CPNE8: variants seen among roughly 807,000 people sequenced by gnomAD.
The protein encoded by CPNE8 is copine 8, also known as copine-8.
A neutral mutation model predicts 81.5 loss-of-function variants in CPNE8; 45 were observed. The observed-to-expected ratio is 0.55, with a 90% CI of 0.44 to 0.71. The LOEUF (loss-of-function observed/expected upper bound fraction) is 0.71. Ranked by LOEUF, CPNE8 falls within the 30% of genes least tolerant of loss-of-function variation. The pLI is 0.00. For missense variants in CPNE8, 594 were observed against 672.1 expected (o/e 0.88, Z 1.28); for synonymous variants, 252 against 226.3 (o/e 1.11, Z -1.02).
chr12:38,902,401 A>AAG (rs1944501316), intron 1 of CPNE8, among the ~76,000 whole-genome samples: 1 of 140,862 alleles, frequency 7.1e-6, no homozygotes, highest in East Asian at 2.0e-4. Flanking sequence ...AAGAGAAAGA[A>AAG]AGAAAGAAAG....
At chr12:38,785,807 C>G (rs1340167873) in intron 6 of CPNE8, among the ~76,000 whole-genome samples, 1 of 151,956 alleles carries the variant, frequency 6.6e-6, no homozygotes, top group African/African-American at 2.4e-5. Context: ...TTGCTTACTT[C>G]CTTGTTTATG....
At chr12:38,679,765 T>C (rs985228782) in intron 16 of CPNE8, 3 of 851,858 alleles carry the variant, frequency 3.5e-6, no homozygotes, top group African/African-American at 3.7e-5. Context: ...CTACTTAGCC[T>C]TTTATTTTAA....
chr12:38,657,092 T>A lies in CPNE8; in HGVS notation c.1507-3022A>T, dbSNP rs548327174. Among the ~76,000 whole-genome samples the A allele has an allele frequency of 2.3e-3, 346 of 152,254 alleles. 1 individual carries two copies. The highest frequency in any genetic ancestry group is 4.2e-3 in the Non-Finnish European group (283 of 68,002). Reference sequence around the variant, plus strand: ...GCGGGGTGTCACTTCACCTGGGAAGTGCAAGGGGTTGGGGGATTTCCCTTT... The same window carrying A: ...GCGGGGTGTCACTTCACCTGGGAAGAGCAAGGGGTTGGGGGATTTCCCTTT... On this transcript the variant is annotated intron_variant, in intron 19 of 19. Transcript: ENST00000331366.
chr12:38,839,917 T>C lies in CPNE8; in HGVS notation c.329A>G (p.His110Arg). Residue 110 changes from histidine to arginine, a missense_variant and splice_region_variant, in exon 5 of 20, where the codon CAT (histidine) becomes CGT (arginine). His to Arg is a conservative substitution (Grantham distance 29, BLOSUM62 0). Coordinates refer to ENST00000331366, the MANE Select transcript of CPNE8 (RefSeq NM_153634.3). ...VDSKSPNLSK[H>R]DFLGQVFCTL... is the part of the protein sequence containing the mutation. ...AAAAACATAAAAATATGAACTTACA[T>C]GTTTGGATAAGTTGGGGCTCTTTGA... 1 of 1,576,944 alleles carries C rather than the reference T, an allele frequency of 6.3e-7. No homozygotes were observed. Among genetic ancestry groups the C allele is most frequent in the Non-Finnish European group, 8.7e-7 (1 of 1,154,548 alleles).
chr12:38,862,207 T>A (rs890977336), intron 3 of CPNE8, among the ~76,000 whole-genome samples: 1 of 151,954 alleles, frequency 6.6e-6, no homozygotes, highest in African/African-American at 2.4e-5. Flanking sequence ...GTCAACAAGA[T>A]CCTGACTGTG....
intron 1 of CPNE8, among the ~76,000 whole-genome samples, chr12:38,879,141 C>A (rs747470471): frequency 5.5e-4 from 83 of 152,196 alleles, no homozygotes; most frequent in Middle Eastern, 3.4e-3. Context: ...GGGTCCCTGG[C>A]AAAACTCCAA....
intron 6 of CPNE8, among the ~76,000 whole-genome samples, chr12:38,812,576 T>C (rs932819047): frequency 3.3e-5 from 5 of 152,126 alleles, no homozygotes; most frequent in African/African-American, 1.2e-4. Flanking sequence ...TTACCTCCCA[T>C]TGGGACCCTC....
intron 6 of CPNE8, among the ~76,000 whole-genome samples, chr12:38,796,689 TG>T (rs1942484338): frequency 6.6e-6 from 1 of 152,044 alleles, no homozygotes; most frequent in Admixed American, 6.5e-5. Flanking sequence ...TGCCACACAG[TG>T]GGCGCAGGAC....
chr12:38,783,311 A>G (rs1942096605), intron 6 of CPNE8, among the ~76,000 whole-genome samples: 1 of 152,200 alleles, frequency 6.6e-6, no homozygotes, highest in South Asian at 2.1e-4. Flanking sequence ...ATAAGAACTG[A>G]AAATCAGATG....
intron 16 of CPNE8, among the ~76,000 whole-genome samples, chr12:38,678,406 T>G (rs945527924): frequency 6.6e-6 from 1 of 152,004 alleles, no homozygotes; most frequent in Non-Finnish European, 1.5e-5. Flanking sequence ...TCAATAGAGA[T>G]AATTTTTACG....
chr12:38,755,368 A>G (rs1163227414), intron 10 of CPNE8, among the ~76,000 whole-genome samples: 1 of 152,164 alleles, frequency 6.6e-6, no homozygotes, highest in Non-Finnish European at 1.5e-5. Context: ...CCCATTTACA[A>G]TCAGTCCCAC....
chr12:38,702,852 C>T, intron 14 of CPNE8, 23 bp downstream of exon 14: 2 of 1,412,312 alleles, frequency 1.4e-6, no homozygotes, highest in Non-Finnish European at 1.9e-6. Context: ...TGATTTTTAT[C>T]AGGGGATAAT....
At chr12:38,675,150 G>T (rs1462993073) in intron 18 of CPNE8, among the ~76,000 whole-genome samples, 1 of 152,150 alleles carries the variant, frequency 6.6e-6, no homozygotes. Context: ...ATTATATAAA[G>T]TCTCATTAAA....
At chr12:38,754,827 A>G (rs965153774) in intron 10 of CPNE8, among the ~76,000 whole-genome samples, 1 of 152,184 alleles carries the variant, frequency 6.6e-6, no homozygotes, top group African/African-American at 2.4e-5. Flanking sequence ...AAGAAGTGAT[A>G]CGTAAGGGAA....
intron 1 of CPNE8, among the ~76,000 whole-genome samples, chr12:38,883,720 A>G (rs960429807): frequency 6.6e-6 from 1 of 152,244 alleles, no homozygotes; most frequent in African/African-American, 2.4e-5. Flanking sequence ...ATTGTGCCAA[A>G]GTGACAAATA....
At chr12:38,673,331 T>A (rs1939220989) in intron 18 of CPNE8, among the ~76,000 whole-genome samples, 1 of 152,126 alleles carries the variant, frequency 6.6e-6, no homozygotes, top group African/African-American at 2.4e-5. Context: ...CTAATACAAT[T>A]TGCCAGTTGG....
rs576835248 is a variant in CPNE8 at position 38,750,282 on chromosome 12, G to A, written c.722+10565C>T. ...GCCTAGGAAGAAGTTTGCTGCAGGGGCGGGGCCCTCATGGAGAACCTCTGC... is the reference window on the plus strand; with the variant it reads ...GCCTAGGAAGAAGTTTGCTGCAGGGACGGGGCCCTCATGGAGAACCTCTGC... On this transcript the variant is annotated intron_variant, in intron 10 of 19. Transcript: ENST00000331366. Among the ~76,000 whole-genome samples the A allele has an allele frequency of 2.0e-5, 3 of 152,292 alleles. No homozygotes were observed. In the South Asian group the frequency reaches 6.2e-4, roughly 32 times the overall value.
At chr12:38,882,581 T>G (rs1944177668) in intron 1 of CPNE8, among the ~76,000 whole-genome samples, 1 of 152,144 alleles carries the variant, frequency 6.6e-6, no homozygotes, top group African/African-American at 2.4e-5. Context: ...GCAAGACGCC[T>G]CAGTAACAGG....
intron 1 of CPNE8, among the ~76,000 whole-genome samples, chr12:38,877,676 C>G (rs74880459): frequency 0.032 from 4,912 of 152,158 alleles, 248 homozygotes; most frequent in African/African-American, 0.11. Flanking sequence ...AGTATCCACT[C>G]ATCCTCAAAT....
Sources: gnomAD v4.1 joint callset for allele counts (sites outside exome capture counted in the v4.1 genomes callset) on GRCh38, gnomAD v4.1.1 for gene constraint, MANE v1.5 for transcripts, NCBI Gene and HGNC (gene_info 2026-07-23, HGNC 2026-07-21) for gene names.